The following RMC1 variants were observed in gnomAD, a reference collection of about 807,000 sequenced individuals.
RMC1 encodes regulator of MON1-CCZ1, also known as regulator of MON1-CCZ1 complex.
In RMC1, 44 loss-of-function variants were observed where a neutral mutation model predicts 95.5. The ratio of observed to expected loss-of-function variants is 0.46; its 90% CI spans 0.36 to 0.59. The LOEUF (loss-of-function observed/expected upper bound fraction) is 0.59. Ranked by LOEUF, RMC1 falls within the 20% of genes least tolerant of loss-of-function variation. The pLI, the probability that RMC1 is intolerant of heterozygous loss-of-function variation, is 0.00. For synonymous variants in RMC1, 320 were observed against 303.6 expected (o/e 1.05, Z -0.56); for missense variants, 705 against 819.6 (o/e 0.86, Z 1.71).
At chr18:23,520,784 G>A (rs117994524) in intron 10 of RMC1, among the ~76,000 whole-genome samples, 2,109 of 151,020 alleles carry the variant, frequency 0.014, 26 homozygotes, top group Non-Finnish European at 0.024. Context: ...GTATTCAATC[G>A]CTTAAATACT....
In RMC1 at chr18:23,504,412, T is replaced by C. The variant is rs141165930; in HGVS notation, c.144T>C (p.Val48=). The C allele has an allele frequency of 1.2e-6, 2 of 1,614,184 alleles. No individual in the cohort carries two copies. Among genetic ancestry groups the C allele is most frequent in the South Asian group, 2.2e-5 (2 of 91,086 alleles). The change falls in exon 2 of 20, where the codon GTT becomes GTC. Residue 48 remains valine (V), a synonymous_variant. Transcript: ENST00000269221. Reference sequence around the variant, plus strand: ...CTGGTGGAGCTACTGGCGTGGTAGTTAAAGGCCCAGATGATAGGAATCCCA... The same window carrying C: ...CTGGTGGAGCTACTGGCGTGGTAGTCAAAGGCCCAGATGATAGGAATCCCA... ...VRSGGATGVV[V]KGPDDRNPIS...
chr18:23,508,788 AG>A (rs1450741953), intron 4 of RMC1: 2 of 152,422 alleles, frequency 1.3e-5, no homozygotes, highest in African/African-American at 4.8e-5. Context: ...TGTGTGTCTC[AG>A]GGTCCTCAAC....
chr18:23,510,376 A>G (rs1436597482), intron 5 of RMC1, among the ~76,000 whole-genome samples: 1 of 151,980 alleles, frequency 6.6e-6, no homozygotes, highest in African/African-American at 2.4e-5. Flanking sequence ...GGCCAGGTAC[A>G]GTGGCTCACA....
chr18:23,516,099 G>A (rs1035863297), intron 6 of RMC1, 103 bp downstream of exon 6: 165 of 1,534,078 alleles, frequency 1.1e-4, no homozygotes, highest in Non-Finnish European at 1.4e-4. Context: ...TCCTCTAGCC[G>A]TAACGTCACC....
intron 10 of RMC1, among the ~76,000 whole-genome samples, chr18:23,523,240 G>C (rs951219406): frequency 6.6e-6 from 1 of 152,034 alleles, no homozygotes; most frequent in Admixed American, 6.6e-5. Flanking sequence ...ATTGTACCTG[G>C]GTAATTGGAA....
Position 23,516,945 on chromosome 18 carries a change from C to T in RMC1, c.653+522C>T, listed in dbSNP as rs369685748. Among the ~76,000 whole-genome samples the T allele has an allele frequency of 9.9e-5, 15 of 151,930 alleles. No homozygotes were observed. In the East Asian group the frequency reaches 2.1e-3, roughly 22 times the overall value. ...TTCACCATGTTGGCCAGGCTGGTCT[C>T]GAACTCCTGACCTCAAGTGATCCAC... On this transcript the variant is annotated intron_variant, in intron 7 of 19. Transcript: ENST00000269221.
chr18:23,504,244 A>G (rs1390802225), intron 1 of RMC1, 127 bp from the exon 2 acceptor site: 10 of 753,544 alleles, frequency 1.3e-5, no homozygotes, highest in South Asian at 3.1e-5. Flanking sequence ...CTGTACCTTG[A>G]TATGTGCCGT....
At chr18:23,510,513 G>A (rs1435475562) in intron 5 of RMC1, among the ~76,000 whole-genome samples, 2 of 152,046 alleles carry the variant, frequency 1.3e-5, no homozygotes, top group South Asian at 2.1e-4. Context: ...CCAGGTTGGT[G>A]GCAGGCACCT....
chr18:23,509,535 A>G, intron 5 of RMC1: 1 of 206,854 alleles, frequency 4.8e-6, no homozygotes. Context: ...ATGCCTGGCT[A>G]ATTTTTCTTT....
intron 12 of RMC1, among the ~76,000 whole-genome samples, chr18:23,526,063 T>C (rs913543816): frequency 3.9e-5 from 6 of 151,944 alleles, no homozygotes; most frequent in African/African-American, 1.5e-4. Context: ...GAAAAGGGGG[T>C]CACCCAGATG....
chr18:23,510,974 G>C (rs2057840350), intron 5 of RMC1, among the ~76,000 whole-genome samples: 1 of 152,158 alleles, frequency 6.6e-6, no homozygotes, highest in Non-Finnish European at 1.5e-5. Context: ...CCCATTACTG[G>C]GTGTAATATG....
At chr18:23,517,136 A>G (rs992035532) in intron 7 of RMC1, among the ~76,000 whole-genome samples, 8 of 150,696 alleles carry the variant, frequency 5.3e-5, no homozygotes. Context: ...ATAGAGGTAT[A>G]TTTTCTTTTA....
intron 5 of RMC1, among the ~76,000 whole-genome samples, chr18:23,513,176 A>G (rs1598858472): frequency 6.6e-6 from 1 of 151,358 alleles, no homozygotes; most frequent in Non-Finnish European, 1.5e-5. Flanking sequence ...CTGGTCTTGA[A>G]CTCCTGACTT....
rs141851226 is a variant in RMC1 at position 23,524,793 on chromosome 18, A to T, written c.1060+311A>T. On this transcript the variant is annotated intron_variant, in intron 12 of 19. Transcript: ENST00000269221. ...GACTCCACCCCAGGGTGTCTCCCTC[A>T]TTTCTCCCATCGACCTTCCCACCGG... Among the ~76,000 whole-genome samples the T allele has an allele frequency of 4.3e-3, 655 of 151,020 alleles. 4 individuals are homozygous for T. The highest frequency in any genetic ancestry group is 0.015 in the African/African-American group (606 of 41,074).
intron 5 of RMC1, among the ~76,000 whole-genome samples, chr18:23,513,925 C>A (rs1026587443): frequency 6.6e-6 from 1 of 152,170 alleles, no homozygotes; most frequent in Non-Finnish European, 1.5e-5. Flanking sequence ...GATATTAACA[C>A]CTTCTTAGAG....
chr18:23,504,759 G>A (rs896961700), intron 2 of RMC1: 3 of 239,722 alleles, frequency 1.3e-5, no homozygotes, highest in South Asian at 6.4e-5. Context: ...AGAGGAGGGC[G>A]TTCATTTCTT....
intron 1 of RMC1, 59 bp from the exon 2 acceptor site, chr18:23,504,312 T>G: frequency 7.4e-6 from 11 of 1,482,548 alleles, no homozygotes; most frequent in Non-Finnish European, 9.4e-6. Flanking sequence ...GCGGGTTGGC[T>G]TCTGAGTTTA....
chr18:23,507,729 A>C (rs1305335739), intron 3 of RMC1, among the ~76,000 whole-genome samples: 1 of 152,158 alleles, frequency 6.6e-6, no homozygotes, highest in Non-Finnish European at 1.5e-5. Context: ...TGAGGAATGA[A>C]TTTTTGAAAG....
chr18:23,525,390 G>A (rs2145253310), intron 12 of RMC1, among the ~76,000 whole-genome samples: 1 of 152,166 alleles, frequency 6.6e-6, no homozygotes, highest in African/African-American at 2.4e-5. Context: ...TGGGCCTACA[G>A]GCGCACATCA....
Sources: allele counts gnomAD v4.1 joint callset (sites outside exome capture counted in the v4.1 genomes callset), GRCh38; gene constraint gnomAD v4.1.1; transcripts MANE v1.5; gene names NCBI Gene and HGNC (gene_info 2026-07-23, HGNC 2026-07-21).